The following STAMBP variants were observed in gnomAD, a reference collection of about 807,000 sequenced individuals.
STAMBP encodes STAM binding protein, also known as STAM-binding protein.
A neutral mutation model predicts 50.7 loss-of-function variants in STAMBP; 31 were observed. That is an observed-to-expected ratio of 0.61 (90% CI 0.46 to 0.83). The LOEUF is 0.83. Ranked by LOEUF, STAMBP falls within the 40% of genes least tolerant of loss-of-function variation. The pLI, the probability that STAMBP is intolerant of heterozygous loss-of-function variation, is 0.00. For missense variants in STAMBP, 472 were observed against 518.9 expected (o/e 0.91, Z 0.88); for synonymous variants, 211 against 192.4 (o/e 1.10, Z -0.80).
At chr2:73,873,326 C>G (rs1321542943) in intron 10 of STAMBP, 1 of 152,176 alleles carries the variant, frequency 6.6e-6, no homozygotes, top group Non-Finnish European at 1.5e-5. Context: ...TAACTTTTAA[C>G]TCATTTTTGT....
At position 73,862,658 on chromosome 2, in the gene STAMBP, T is replaced by A. The variant is rs757785015; in HGVS notation, c.*399T>A. On this transcript the variant is annotated 3_prime_UTR_variant, in exon 10 of 10. Coordinates refer to ENST00000394070, the MANE Select transcript of STAMBP (RefSeq NM_213622.4). The stretch of plus-strand genomic sequence containing the variant: ...TGTTTATATTTACCTCTGGGCTCAA[T>A]AAGGGCATCTGTGCAGAAATTTGGA... 6.5e-6 allele frequency: 1 copy of A among 153,988 alleles called. No homozygotes were observed. Among genetic ancestry groups the A allele is most frequent in the Admixed American group, 6.5e-5 (1 of 15,434 alleles). 9.5% of individuals were successfully genotyped at this position (153,988 alleles called of 1,614,324 possible). A position where few individuals can be genotyped will look rare whatever the true frequency, so the allele number is the denominator to read the frequency against.
intron 9 of STAMBP, chr2:73,860,641 C>A: frequency 1.3e-6 from 1 of 761,190 alleles, no homozygotes; most frequent in Non-Finnish European, 1.6e-6. Context: ...GGCTTTACGA[C>A]CTTCCTACAA....
chr2:73,856,528 G>T (rs1018608439), intron 7 of STAMBP, among the ~76,000 whole-genome samples: 1 of 152,200 alleles, frequency 6.6e-6, no homozygotes, highest in Non-Finnish European at 1.5e-5. Flanking sequence ...CATCCAGAGA[G>T]AAACACTTCT....
rs1676669340 is a variant in STAMBP at position 73,850,443 on chromosome 2, A to G, written c.935A>G (p.Asn312Ser). The G allele has an allele frequency of 2.5e-6, 4 of 1,613,990 alleles. No individual in the cohort carries two copies. Among genetic ancestry groups the G allele is most frequent in the South Asian group, 1.1e-5 (1 of 90,990 alleles). ...PKQSAGSDYC[N>S]TENEEELFLI... The stretch of plus-strand genomic sequence containing the variant: ...CAAAGTGCTGGGTCTGATTACTGCA[A>G]CACAGAGAACGAAGAAGAACTTTTC... The change falls in exon 7 of 10, where the codon AAC becomes AGC. Residue 312 changes from asparagine (N) to serine (S), a missense_variant. Physicochemically the swap from Asn to Ser is conservative, Grantham distance 46. Coordinates refer to ENST00000394070, the MANE Select transcript of STAMBP (RefSeq NM_213622.4). This position sits in a 1 kb window ranked among gnomAD's most constrained non-coding sequence, Gnocchi z 4.3.
intron 2 of STAMBP, among the ~76,000 whole-genome samples, chr2:73,840,855 A>G (rs1002680780): frequency 2.6e-5 from 4 of 152,108 alleles, no homozygotes; most frequent in Non-Finnish European, 4.4e-5. Context: ...CTCCCTTAAG[A>G]TGAAAGGTTA....
chr2:73,839,644 C>T (rs1339406137), intron 2 of STAMBP, among the ~76,000 whole-genome samples: 3 of 152,124 alleles, frequency 2.0e-5, no homozygotes, highest in Admixed American at 1.3e-4. Flanking sequence ...ACAAAATTAA[C>T]ACTTATTCAC....
intron 5 of STAMBP, among the ~76,000 whole-genome samples, chr2:73,848,776 A>AC (rs1491353101): frequency 2.6e-5 from 4 of 152,330 alleles, no homozygotes; most frequent in Admixed American, 2.6e-4. Flanking sequence ...ACTTTGGGAG[A>AC]CACAGTCAAA....
At chr2:73,862,135 T>G in intron 9 of STAMBP, 68 bp from the exon 10 acceptor site, 1 of 1,413,986 alleles carries the variant, frequency 7.1e-7, no homozygotes, top group Non-Finnish European at 9.6e-7. Context: ...AGACCCTATA[T>G]GAAGAAAAAA....
chr2:73,835,816 A>G (rs560377349), intron 2 of STAMBP, among the ~76,000 whole-genome samples: 18 of 152,186 alleles, frequency 1.2e-4, no homozygotes, highest in African/African-American at 3.4e-4. Flanking sequence ...TTTTTTTGAC[A>G]TGTTAAAATT....
chr2:73,851,625 A>C (rs1018113333), intron 7 of STAMBP, among the ~76,000 whole-genome samples: 2 of 151,554 alleles, frequency 1.3e-5, no homozygotes, highest in Non-Finnish European at 2.9e-5. Flanking sequence ...TCATATCAGG[A>C]AACAGTGGTA....
chr2:73,839,668 T>C (rs747617454), intron 2 of STAMBP, among the ~76,000 whole-genome samples: 4 of 152,218 alleles, frequency 2.6e-5, no homozygotes, highest in Non-Finnish European at 5.9e-5. Context: ...TTAAAAAATT[T>C]TTCAAACACT....
At chr2:73,871,472 C>G (rs571474489), downstream of STAMBP, among the ~76,000 whole-genome samples, 2 of 150,990 alleles carry the variant, frequency 1.3e-5, no homozygotes, top group Non-Finnish European at 2.9e-5. Context: ...CACTTGAACC[C>G]GGGAGGCAGA....
chr2:73,842,303 G>A (rs72915490), intron 2 of STAMBP, among the ~76,000 whole-genome samples: 4,768 of 152,226 alleles, frequency 0.031, 232 homozygotes, highest in African/African-American at 0.11. Context: ...GGTTTTCTCC[G>A]GGTATTCAAG....
intron 4 of STAMBP, among the ~76,000 whole-genome samples, chr2:73,846,496 C>T (rs899021293): frequency 1.3e-5 from 2 of 151,704 alleles, no homozygotes; most frequent in South Asian, 2.1e-4. Context: ...TGTGGTGGCA[C>T]GCACCTCTGG....
intron 7 of STAMBP, among the ~76,000 whole-genome samples, chr2:73,853,867 A>G (rs1035138032): frequency 6.6e-6 from 1 of 152,252 alleles, no homozygotes; most frequent in Non-Finnish European, 1.5e-5. Flanking sequence ...CTTCGTTTAT[A>G]ATTTCACCAC....
chr2:73,847,592 G>T lies in STAMBP; in HGVS notation c.581G>T (p.Gly194Val). 6.2e-7 allele frequency: 1 copy of T among 1,614,158 alleles called. No homozygotes were observed. Among genetic ancestry groups the T allele is most frequent in the Non-Finnish European group, 8.5e-7 (1 of 1,180,020 alleles). ...EFGKVDPGLG[G>V]PLVPDLEKPS... Reference sequence around the variant, plus strand: ...GGGAAGGTAGACCCTGGCCTAGGTGGCCCGCTAGTGCCTGACTTGGAGAAG... The same window carrying T: ...GGGAAGGTAGACCCTGGCCTAGGTGTCCCGCTAGTGCCTGACTTGGAGAAG... Residue 194 changes from glycine to valine, a missense_variant, in exon 5 of 10, where the codon GGC (glycine) becomes GTC (valine). Transcript: ENST00000394070.
At chr2:73,857,189 T>C (rs1182394911) in intron 7 of STAMBP, among the ~76,000 whole-genome samples, 1 of 152,146 alleles carries the variant, frequency 6.6e-6, no homozygotes, top group African/African-American at 2.4e-5. Flanking sequence ...AAGGTTTGAG[T>C]TCTGTCCCTG....
At chr2:73,847,889 C>A in intron 5 of STAMBP, 136 bp downstream of exon 5, 1 of 1,169,086 alleles carries the variant, frequency 8.6e-7, no homozygotes, top group Non-Finnish European at 1.2e-6. Flanking sequence ...ATAAGTATTG[C>A]TGTACTGTGT....
In STAMBP at chr2:73,849,497, A is replaced by G; in HGVS notation, c.867+10A>G. ...TCTCTGTGGAAAACTGGTAAAAAGA[A>G]AAAAAAAACCAAACTCTTCTCTGAA... On this transcript the variant is annotated intron_variant, in intron 6 of 9. Coordinates refer to ENST00000394070, the MANE Select transcript of STAMBP (RefSeq NM_213622.4). 1.3e-6 allele frequency: 2 copies of G among 1,575,554 alleles called. No homozygotes were observed. The highest frequency in any genetic ancestry group is 8.6e-7 in the Non-Finnish European group (1 of 1,166,362).
Sources: allele counts gnomAD v4.1 joint callset (sites outside exome capture counted in the v4.1 genomes callset), GRCh38; gene constraint gnomAD v4.1.1; non-coding constraint Gnocchi (gnomAD v3.1); transcripts MANE v1.5; gene names NCBI Gene and HGNC (gene_info 2026-07-23, HGNC 2026-07-21).